RIMBP2: variants seen among roughly 807,000 people sequenced by gnomAD.
The protein encoded by RIMBP2 is RIMS-binding protein 2.
RIMBP2 carries 48 observed loss-of-function variants against 118.6 expected under a neutral mutation model. That is an observed-to-expected ratio of 0.40 (90% confidence interval 0.32 to 0.51). RIMBP2 has a LOEUF of 0.51. Ranked by LOEUF, RIMBP2 falls within the 20% of genes least tolerant of loss-of-function variation. The pLI, the probability that RIMBP2 is intolerant of heterozygous loss-of-function variation, is 0.41. For synonymous variants in RIMBP2, 762 were observed against 742.9 expected, an observed-to-expected ratio of 1.03 and a Z score of -0.42; for missense variants, 1,551 against 1,768.3, an observed-to-expected ratio of 0.88 and a Z score of 2.20.
chr12:130,480,236 C>CACACACA (rs57955292), intron 4 of RIMBP2, among the ~76,000 whole-genome samples: 4 of 148,876 alleles, frequency 2.7e-5, no homozygotes, highest in South Asian at 4.3e-4. Flanking sequence ...CACACACACA[C>CACACACA]CTGTGGTAAC....
Position 130,475,338 on chromosome 12 carries a change from T to C in RIMBP2, c.102+3574A>G, listed in dbSNP as rs1249747856. ...GTGCTGGGATGCAGGCCCCTGATATTAGACGCCTGAATGTCCAGCACCCTC... is the reference window on the plus strand; with the variant it reads ...GTGCTGGGATGCAGGCCCCTGATATCAGACGCCTGAATGTCCAGCACCCTC... On this transcript the variant is annotated intron_variant, in intron 5 of 22. Transcript: ENST00000690449. This position sits in a 1 kb window ranked among gnomAD's most constrained non-coding sequence, Gnocchi z 4.1. 6.6e-6 allele frequency among the ~76,000 whole-genome samples: 1 copy of C among 152,164 alleles called. No homozygotes were observed. The highest frequency in any genetic ancestry group is 1.5e-5 in the Non-Finnish European group (1 of 68,032).
At chr12:130,481,065 G>C (rs1444674802) in intron 4 of RIMBP2, among the ~76,000 whole-genome samples, 1 of 149,428 alleles carries the variant, frequency 6.7e-6, no homozygotes, top group East Asian at 2.0e-4. Flanking sequence ...GGAGGCGAGG[G>C]AGTCCCTGCT....
chr12:130,552,680 T>A (rs1206109191), intron 2 of RIMBP2, among the ~76,000 whole-genome samples: 1 of 152,210 alleles, frequency 6.6e-6, no homozygotes, highest in Non-Finnish European at 1.5e-5. Context: ...CAAAAATTAG[T>A]AGACAAATTC....
chr12:130,442,689 C>G lies in RIMBP2; in HGVS notation c.692-29G>C. The G allele has an allele frequency of 6.3e-7, 1 of 1,587,274 alleles. No homozygotes were observed. Among genetic ancestry groups the G allele is most frequent in the Non-Finnish European group, 8.6e-7 (1 of 1,162,112 alleles). ...TTGGGTACAAGGACAGAGTTATCAC[C>G]CAGCCAACACAGCAGGGGCCTCGAG... On this transcript the variant is annotated intron_variant, in intron 10 of 22. Coordinates refer to ENST00000690449, the MANE Select transcript of RIMBP2 (RefSeq NM_001393629.1). This position sits in a 1 kb window ranked among gnomAD's most constrained non-coding sequence, Gnocchi z 6.9.
chr12:130,605,830 G>A lies in RIMBP2; in HGVS notation c.-217+22492C>T, dbSNP rs530687606. ...TGTAATCCCAGCACTTTGGGAGGCC[G>A]AGGTGGGCAGATCATTTGAGGTCAG... On this transcript the variant is annotated intron_variant, in intron 2 of 22. Coordinates refer to ENST00000690449, the MANE Select transcript of RIMBP2 (RefSeq NM_001393629.1). Among the ~76,000 whole-genome samples the A allele has an allele frequency of 5.3e-5, 8 of 152,248 alleles. No individual in the cohort carries two copies. In the East Asian group the frequency reaches 1.2e-3, roughly 22 times the overall value.
intron 19 of RIMBP2, among the ~76,000 whole-genome samples, chr12:130,409,856 A>G (rs1392003546): frequency 6.6e-6 from 1 of 152,202 alleles, no homozygotes; most frequent in East Asian, 1.9e-4. Flanking sequence ...ACAAACATTC[A>G]TGTACAGTTT....
intron 22 of RIMBP2, chr12:130,398,248 C>T (rs1593150998): frequency 6.6e-6 from 1 of 152,222 alleles, no homozygotes; most frequent in South Asian, 2.1e-4. Context: ...GACTTCACCT[C>T]GCTTCCCTTT....
At chr12:130,453,682 G>A (rs1198446342) in intron 7 of RIMBP2, among the ~76,000 whole-genome samples, 8 of 152,216 alleles carry the variant, frequency 5.3e-5, no homozygotes, top group Admixed American at 2.0e-4. Context: ...CAGGGGCCGG[G>A]CCGGGGGCTG....
intron 1 of RIMBP2, among the ~76,000 whole-genome samples, chr12:130,638,635 G>C (rs1000281649): frequency 3.3e-5 from 5 of 152,136 alleles, no homozygotes; most frequent in Admixed American, 2.0e-4. Context: ...CTGATGATCT[G>C]AGGTTTCATC....
intron 2 of RIMBP2, among the ~76,000 whole-genome samples, chr12:130,575,442 A>G (rs1377667422): frequency 6.6e-6 from 1 of 151,812 alleles, no homozygotes; most frequent in East Asian, 2.0e-4. Flanking sequence ...TTTAAGCAAT[A>G]TTCATGTGAC....
intron 1 of RIMBP2, among the ~76,000 whole-genome samples, chr12:130,666,182 G>A (rs528821235): frequency 5.6e-4 from 85 of 152,166 alleles, no homozygotes; most frequent in African/African-American, 2.0e-3. Context: ...TAATACTAAA[G>A]GGCCTAAAAC....
rs558438443 is a variant in RIMBP2 at position 130,576,834 on chromosome 12, G to A, written c.-217+51488C>T. Among the ~76,000 whole-genome samples, 1 of 152,354 alleles carries A rather than the reference G, an allele frequency of 6.6e-6. No individual in the cohort carries two copies. The highest frequency in any genetic ancestry group is 1.9e-4 in the East Asian group (1 of 5,184). ...GCAGGATGGCGTGTTTCCATCGCGTGTCCAGGCGCAGTGCCTGGGAGCAAA... is the reference window on the plus strand; with the variant it reads ...GCAGGATGGCGTGTTTCCATCGCGTATCCAGGCGCAGTGCCTGGGAGCAAA... On this transcript the variant is annotated intron_variant, in intron 2 of 22. Transcript: ENST00000690449. The surrounding 1 kb of genome is among the most constrained non-coding windows in gnomAD (Gnocchi z 4.2).
intron 4 of RIMBP2, among the ~76,000 whole-genome samples, chr12:130,484,204 G>T (rs948589931): frequency 6.6e-6 from 1 of 152,158 alleles, no homozygotes; most frequent in Non-Finnish European, 1.5e-5. Context: ...GAGTAAAGCG[G>T]CATGCTGTCA....
chr12:130,571,523 G>A (rs1418598465), intron 2 of RIMBP2, among the ~76,000 whole-genome samples: 3 of 151,272 alleles, frequency 2.0e-5, no homozygotes, highest in East Asian at 2.0e-4. Flanking sequence ...AGGTTCAAGC[G>A]ATTCTCCTGC....
intron 1 of RIMBP2, among the ~76,000 whole-genome samples, chr12:130,709,515 G>A (rs998786917): frequency 1.3e-5 from 2 of 152,218 alleles, no homozygotes; most frequent in South Asian, 2.1e-4. Context: ...AACATGGAGC[G>A]CTTTACAGAC....
rs113277923 is a variant in RIMBP2 at position 130,496,519 on chromosome 12, C to T, written c.-4+10129G>A. ...AGCAGCTCTGGGGTAGAGGAGGCTGCGAGGGGTGAGGCTCCATCCACTTCC... is the reference window on the plus strand; with the variant it reads ...AGCAGCTCTGGGGTAGAGGAGGCTGTGAGGGGTGAGGCTCCATCCACTTCC... On this transcript the variant is annotated intron_variant, in intron 4 of 22. Transcript: ENST00000690449. 2.7e-3 allele frequency among the ~76,000 whole-genome samples: 410 copies of T among 152,200 alleles called. 1 individual carries two copies. The highest frequency in any genetic ancestry group is 4.9e-3 in the Non-Finnish European group (336 of 67,998).
chr12:130,438,335 A>ACCCCCCCCCCCCCCCCC (rs146625626), intron 12 of RIMBP2, 30 bp downstream of exon 12: 23 of 865,920 alleles, frequency 2.7e-5, no homozygotes, highest in Non-Finnish European at 3.8e-5. Context: ...GGCCTAACAA[A>ACCCCCCCCCCCCCCCCC]CCCTCCCCAC....
At position 130,447,335 on chromosome 12, in the gene RIMBP2, C is replaced by G. The variant is rs2078614058; in HGVS notation, c.582-2066G>C. Among the ~76,000 whole-genome samples, 1 of 151,920 alleles carries G rather than the reference C, an allele frequency of 6.6e-6. No homozygotes were observed. The highest frequency in any genetic ancestry group is 1.5e-5 in the Non-Finnish European group (1 of 67,990). On this transcript the variant is annotated intron_variant, in intron 9 of 22. Transcript: ENST00000690449. The surrounding 1 kb of genome is among the most constrained non-coding windows in gnomAD (Gnocchi z 4.4). ...CTGTCGTGACAACCTCGTCGGTGCTCCTGCGTGTGGGCCCTGGAGGCCACC... is the reference window on the plus strand; with the variant it reads ...CTGTCGTGACAACCTCGTCGGTGCTGCTGCGTGTGGGCCCTGGAGGCCACC...
At chr12:130,569,012 C>T (rs1003223061) in intron 2 of RIMBP2, among the ~76,000 whole-genome samples, 2 of 149,466 alleles carry the variant, frequency 1.3e-5, no homozygotes, top group South Asian at 2.2e-4. Flanking sequence ...GCCTTGGAGA[C>T]CCCCCACCGA....
Sources: allele counts gnomAD v4.1 joint callset (sites outside exome capture counted in the v4.1 genomes callset), GRCh38; gene constraint gnomAD v4.1.1; non-coding constraint Gnocchi (gnomAD v3.1); transcripts MANE v1.5; gene names NCBI Gene and HGNC (gene_info 2026-07-23, HGNC 2026-07-21).